Variants in COL4A5 observed in about 807,000 individuals in gnomAD.
The protein encoded by COL4A5 is collagen alpha-5(IV) chain.
COL4A5 carries 26 observed loss-of-function variants against 130.2 expected under a neutral mutation model. That is an observed-to-expected ratio of 0.20 (90% CI 0.15 to 0.28). The LOEUF is 0.28. Ranked by LOEUF, COL4A5 falls within the 10% of genes least tolerant of loss-of-function variation. COL4A5 has a pLI of 1.00. For missense variants in COL4A5, 1,131 were observed against 1,344.3 expected (o/e 0.84, Z 2.48); for synonymous variants, 496 against 439.6 (o/e 1.13, Z -1.60).
Position 108,666,498 on chromosome X carries a change from G to C in COL4A5, c.3457G>C (p.Gly1153Arg), listed in dbSNP as rs945328912. ...GLPGEPGPVG[G>R]GGHPGQPGPP... ...ACCTGCTGTACTCAATTTTTTAGGT[G>C]GTGGAGGTCATCCTGGGCAACCAGG... Residue 1153 changes from glycine to arginine, a missense_variant and splice_region_variant, in exon 39 of 53, where the codon GGT (glycine) becomes CGT (arginine). Transcript: ENST00000328300. The C allele has an allele frequency of 1.0e-5, 12 of 1,200,657 alleles. No individual in the cohort carries two copies. The Admixed American group carries it at 2.4e-4, about 24-fold the overall frequency.
intron 37 of COL4A5, among the ~76,000 whole-genome samples, chrX:108,659,815 A>G (rs1473608980): frequency 4.5e-5 from 5 of 110,996 alleles, no homozygotes; most frequent in African/African-American, 6.5e-5. Flanking sequence ...ATGCATTCAT[A>G]TCTTGCTTCT....
rs104886237 is a variant in COL4A5, at chrX:108,666,549, G to A, written c.3508G>A (p.Gly1170Ser). 3 of 1,208,512 alleles carry A rather than the reference G, an allele frequency of 2.5e-6. No homozygotes were observed. Among genetic ancestry groups the A allele is most frequent in the Non-Finnish European group, 1.1e-6 (1 of 893,747 alleles). Residue 1170 changes from glycine (G) to serine (S), a missense_variant, in exon 39 of 53, where the codon GGT becomes AGT. Physicochemically the swap from Gly to Ser is moderately conservative, Grantham distance 56 (BLOSUM62 0). Coordinates refer to ENST00000328300, the MANE Select transcript of COL4A5 (RefSeq NM_033380.3). ...GCCTCCAGGCGAAAAAGGCAAACCC[G>A]GTCAAGATGGTATTCCTGGACCAGC... ...PGPPGEKGKP[G>S]QDGIPGPAGQ...
intron 22 of COL4A5, among the ~76,000 whole-genome samples, chrX:108,596,234 A>G (rs1432572698): frequency 8.9e-6 from 1 of 112,112 alleles, no homozygotes; most frequent in East Asian, 2.8e-4. Context: ...TCTACTAAGG[A>G]CACCAATTCA....
chrX:108,450,490 C>A (rs1158903704), intron 1 of COL4A5, among the ~76,000 whole-genome samples: 2 of 111,958 alleles, frequency 1.8e-5, no homozygotes, highest in African/African-American at 6.5e-5. Context: ...TAGAATTAGC[C>A]TACCACTTCA....
rs1035299087 is a variant in COL4A5, at chrX:108,569,128, A to G, written c.384+307A>G. ...TATATATGTTTCAAATATTATATCA[A>G]TTGTTGAAAGTAATACTTCTGAATG... On this transcript the variant is annotated intron_variant, in intron 6 of 52. Coordinates refer to ENST00000328300, the MANE Select transcript of COL4A5 (RefSeq NM_033380.3). 31 of 192,981 alleles carry G rather than the reference A, an allele frequency of 1.6e-4. 1 individual carries two copies. Among genetic ancestry groups the G allele is most frequent in the Admixed American group, 5.5e-4 (8 of 14,416 alleles). The allele number at this position is 192,981 out of a possible 1,213,427, so 15.9% of individuals were successfully genotyped here. A position where few individuals can be genotyped will look rare whatever the true frequency, so the allele number is the denominator to read the frequency against.
At chrX:108,541,568 G>C (rs1476177667) in intron 2 of COL4A5, among the ~76,000 whole-genome samples, 1 of 112,191 alleles carries the variant, frequency 8.9e-6, no homozygotes, top group Non-Finnish European at 1.9e-5. Flanking sequence ...GCAGAGTTGA[G>C]GATGCCAGAA....
intron 36 of COL4A5, among the ~76,000 whole-genome samples, chrX:108,647,171 C>G (rs954953015): frequency 4.5e-5 from 5 of 110,658 alleles, no homozygotes; most frequent in Non-Finnish European, 9.4e-5. Context: ...TTACCTTGGG[C>G]AGTATGGCCA....
intron 1 of COL4A5, chrX:108,440,469 A>C (rs1189176426): frequency 5.4e-6 from 2 of 372,998 alleles, no homozygotes; most frequent in Non-Finnish European, 9.4e-6. Flanking sequence ...CAAAGTCAGA[A>C]GTGGGGGACG....
chrX:108,595,872 T>C (rs761695303), intron 22 of COL4A5, among the ~76,000 whole-genome samples: 40 of 112,335 alleles, frequency 3.6e-4, no homozygotes, highest in Non-Finnish European at 6.8e-4. Flanking sequence ...AAATCACTTA[T>C]ACAGAGTCAG....
chrX:108,603,975 A>G (rs1270223950), intron 28 of COL4A5, among the ~76,000 whole-genome samples: 1 of 112,005 alleles, frequency 8.9e-6, no homozygotes, highest in Non-Finnish European at 1.9e-5. Flanking sequence ...GATTGCAGCA[A>G]TTCATTCACA....
At chrX:108,543,036 A>C (rs2065575140) in intron 2 of COL4A5, among the ~76,000 whole-genome samples, 1 of 110,228 alleles carries the variant, frequency 9.1e-6, no homozygotes, top group African/African-American at 3.3e-5. Flanking sequence ...GGTTGCAAAA[A>C]TTTTCTCCCA....
At chrX:108,453,174 A>G (rs1194976753) in intron 1 of COL4A5, among the ~76,000 whole-genome samples, 23 of 111,515 alleles carry the variant, frequency 2.1e-4, no homozygotes, top group African/African-American at 6.2e-4. Flanking sequence ...CAGGGATGAA[A>G]CCCACTTGAT....
Position 108,575,894 on chromosome X carries a change from A to G in COL4A5, c.547-16A>G. On this transcript the variant is annotated splice_polypyrimidine_tract_variant and intron_variant, in intron 9 of 52. Coordinates refer to ENST00000328300, the MANE Select transcript of COL4A5 (RefSeq NM_033380.3). ...TTTCTTTTTTTTCATCATTTTCTTT[A>G]CTCACTTTATAACAGGGCCTACCTG... 2 of 1,121,006 alleles carry G rather than the reference A, an allele frequency of 1.8e-6. No individual in the cohort carries two copies. Among genetic ancestry groups the G allele is most frequent in the South Asian group, 1.9e-5 (1 of 53,463 alleles). The allele number at this position is 1,121,006 out of a possible 1,213,427, so 92.4% of individuals were successfully genotyped here.
chrX:108,514,933 A>G (rs2065207964), intron 1 of COL4A5, among the ~76,000 whole-genome samples: 1 of 111,596 alleles, frequency 9.0e-6, no homozygotes, highest in South Asian at 3.8e-4. Flanking sequence ...TAATTCTTTG[A>G]GCTTTTTTGA....
intron 2 of COL4A5, among the ~76,000 whole-genome samples, chrX:108,558,144 A>C (rs191567458): frequency 3.6e-3 from 308 of 86,167 alleles, no homozygotes; most frequent in Non-Finnish European, 5.1e-3. Context: ...CTCATTGTTC[A>C]ATTCCCACCT....
intron 31 of COL4A5, among the ~76,000 whole-genome samples, 188 bp from the exon 32 acceptor site, chrX:108,621,615 T>TC (rs1170969535): frequency 9.0e-6 from 1 of 111,462 alleles, no homozygotes; most frequent in Non-Finnish European, 1.9e-5. Flanking sequence ...TCTTTAGAGA[T>TC]TAGCTACCAG....
chrX:108,575,918 TG>T lies in COL4A5; in HGVS notation c.557del (p.Gly186ValfsTer17). On this transcript the variant is annotated frameshift_variant, in exon 10 of 53. Transcript: ENST00000328300. LOFTEE classifies it high-confidence loss of function. ...TACTCACTTTATAACAGGGCCTACC[TG>T]GTCCCACTGGTATACCAGGGCCAAT... ...PGPPGIQGLP[G>X]PTGIPGPIGP... 8.5e-7 allele frequency: 1 copy of T among 1,180,526 alleles called. No homozygotes were observed. Among genetic ancestry groups the T allele is most frequent in the Non-Finnish European group, 1.2e-6 (1 of 869,380 alleles).
chrX:108,455,795 A>G (rs2064579333), intron 1 of COL4A5, among the ~76,000 whole-genome samples: 1 of 111,662 alleles, frequency 9.0e-6, no homozygotes, highest in African/African-American at 3.3e-5. Flanking sequence ...TGGAATGTGT[A>G]TATGCAGGTG....
rs1018171900 is a variant in COL4A5, at chrX:108,636,988, G to T, written c.3246+10639G>T. On this transcript the variant is annotated intron_variant, in intron 36 of 52. Transcript: ENST00000328300. The stretch of plus-strand genomic sequence containing the variant: ...GACAGAGTCTTATTCTGTTACCCAG[G>T]TTGGAGTGCAGTGGCGTGATTGTGG... 1.4e-4 allele frequency among the ~76,000 whole-genome samples: 14 copies of T among 100,173 alleles called. 1 individual carries two copies. Among genetic ancestry groups the T allele is most frequent in the Non-Finnish European group, 2.6e-4 (13 of 49,792 alleles). 87.0% of individuals were successfully genotyped at this position (100,173 alleles called of 115,157 possible).
Sources: allele counts gnomAD v4.1 joint callset (sites outside exome capture counted in the v4.1 genomes callset), GRCh38; gene constraint gnomAD v4.1.1; transcripts MANE v1.5; gene names NCBI Gene and HGNC (gene_info 2026-07-23, HGNC 2026-07-21).